The following CSMD1 variants were observed in gnomAD, a reference collection of about 807,000 sequenced individuals.
CSMD1 encodes the protein CUB and sushi domain-containing protein 1.
Under a neutral mutation model 417.5 loss-of-function variants are expected in CSMD1, and 213 were observed. That is an observed-to-expected ratio of 0.51 (90% CI 0.46 to 0.57). The LOEUF (loss-of-function observed/expected upper bound fraction) is 0.57, where lower values mean the gene tolerates loss of function less well. CSMD1 is among the 20% of genes least tolerant of loss of function. CSMD1 has a pLI of 0.00. For missense variants in CSMD1, 6,923 were observed against 4,529.7 expected (o/e 1.53, Z -15.17); for synonymous variants, 2,862 against 1,736.8 (o/e 1.65, Z -16.11).
chr8:4,107,506 A>G (rs7828949), intron 3 of CSMD1, among the ~76,000 whole-genome samples: 65,208 of 152,104 alleles, frequency 0.43, 14,442 homozygotes, highest in Middle Eastern at 0.54. Context: ...GAAGAATTCC[A>G]TGTCTACAGC....
rs144722272 is a variant in CSMD1 at position 4,184,437 on chromosome 8, A to C, written c.416-152338T>G. Among the ~76,000 whole-genome samples, 552 of 152,310 alleles carry C rather than the reference A, an allele frequency of 3.6e-3. 4 individuals are homozygous for C. Among genetic ancestry groups the C allele is most frequent in the African/African-American group, 0.012 (509 of 41,562 alleles). ...GGATGTTCCTTGCGGCACTATTCAC[A>C]ATATCAAAGGCATGAAATCAACCTC... On this transcript the variant is annotated intron_variant, in intron 3 of 69. Coordinates refer to ENST00000635120, the MANE Select transcript of CSMD1 (RefSeq NM_033225.6).
intron 49 of CSMD1, among the ~76,000 whole-genome samples, chr8:3,074,251 G>C (rs1460218578): frequency 1.3e-5 from 2 of 152,138 alleles, no homozygotes; most frequent in African/African-American, 4.8e-5. Context: ...TCTTTCTCAG[G>C]CCTTCAATCT....
chr8:4,043,350 G>C (rs1725067840), intron 3 of CSMD1, among the ~76,000 whole-genome samples: 1 of 151,994 alleles, frequency 6.6e-6, no homozygotes, highest in South Asian at 2.1e-4. Flanking sequence ...GAAATACAAA[G>C]CAAACTGCAA....
intron 3 of CSMD1, among the ~76,000 whole-genome samples, chr8:4,315,234 C>G (rs940090925): frequency 1.3e-5 from 2 of 152,164 alleles, no homozygotes; most frequent in Non-Finnish European, 2.9e-5. Context: ...GAAAGCCCAG[C>G]TCTGGCTTGA....
chr8:3,117,642 T>TCC (rs1816948150), intron 42 of CSMD1, among the ~76,000 whole-genome samples: 2 of 152,192 alleles, frequency 1.3e-5, no homozygotes, highest in African/African-American at 2.4e-5. Context: ...TTTAATTAGA[T>TCC]ATTGAAAAAA....
At chr8:4,972,852 A>G (rs899906923) in intron 1 of CSMD1, among the ~76,000 whole-genome samples, 1 of 152,168 alleles carries the variant, frequency 6.6e-6, no homozygotes, top group Non-Finnish European at 1.5e-5. Context: ...TCTGGAATGA[A>G]GTGAAACTGC....
At chr8:3,521,879 T>C (rs1563117896) in intron 10 of CSMD1, among the ~76,000 whole-genome samples, 2 of 152,214 alleles carry the variant, frequency 1.3e-5, no homozygotes, top group Non-Finnish European at 2.9e-5. Flanking sequence ...AACAGTTTGA[T>C]GCCAAATTTT....
chr8:3,182,296 G>C (rs186531619), intron 36 of CSMD1, among the ~76,000 whole-genome samples: 3 of 152,188 alleles, frequency 2.0e-5, no homozygotes, highest in South Asian at 4.1e-4. Context: ...ACCCAGGCTG[G>C]AGTGCAGTGG....
chr8:3,520,328 A>T (rs1585295065), intron 10 of CSMD1, among the ~76,000 whole-genome samples: 1 of 152,196 alleles, frequency 6.6e-6, no homozygotes, highest in Non-Finnish European at 1.5e-5. Flanking sequence ...GATATCAGTG[A>T]CATAAACTGC....
Position 3,396,186 on chromosome 8 carries a change from C to A in CSMD1, c.2593+8G>T, listed in dbSNP as rs758146833. 1 of 1,555,184 alleles carries A rather than the reference C, an allele frequency of 6.4e-7. No homozygotes were observed. The highest frequency in any genetic ancestry group is 1.2e-5 in the South Asian group (1 of 84,232). On this transcript the variant is annotated splice_region_variant and intron_variant, in intron 17 of 69. Transcript: ENST00000635120. ...CCTGCCGGGCTGTCAAGGGAAGGTG[C>A]AACTCACTCTCATAGTGGATGAGGA...
intron 26 of CSMD1, among the ~76,000 whole-genome samples, chr8:3,281,492 A>G (rs934175734): frequency 3.3e-5 from 5 of 152,132 alleles, no homozygotes; most frequent in Non-Finnish European, 5.9e-5. Context: ...TCAATAGAAT[A>G]TTATTCGCTG....
At chr8:3,514,905 T>A (rs1797224144) in intron 10 of CSMD1, among the ~76,000 whole-genome samples, 1 of 152,202 alleles carries the variant, frequency 6.6e-6, no homozygotes. Context: ...ATTGTTTATA[T>A]CTATATGCTA....
intron 33 of CSMD1, among the ~76,000 whole-genome samples, chr8:3,191,566 G>A (rs1796425893): frequency 6.6e-6 from 1 of 152,142 alleles, no homozygotes; most frequent in African/African-American, 2.4e-5. Flanking sequence ...AAAAACCCAG[G>A]GATATGGAAT....
intron 3 of CSMD1, among the ~76,000 whole-genome samples, chr8:4,226,199 T>G (rs1374204475): frequency 5.3e-5 from 8 of 152,080 alleles, no homozygotes; most frequent in Admixed American, 5.2e-4. Context: ...ATCATTTTAC[T>G]AACCACTCTT....
At chr8:4,331,866 A>G (rs1011947831) in intron 3 of CSMD1, among the ~76,000 whole-genome samples, 2 of 152,146 alleles carry the variant, frequency 1.3e-5, no homozygotes, top group Non-Finnish European at 2.9e-5. Flanking sequence ...GCTTAAAAAA[A>G]TACATAATAC....
chr8:3,721,809 A>AT (rs1292382799), intron 6 of CSMD1, among the ~76,000 whole-genome samples: 5 of 152,148 alleles, frequency 3.3e-5, no homozygotes, highest in South Asian at 2.1e-4. Flanking sequence ...ATCATAAGCC[A>AT]TTTTTTGAGA....
At chr8:4,682,839 A>G (rs1398967936) in intron 1 of CSMD1, among the ~76,000 whole-genome samples, 1 of 150,854 alleles carries the variant, frequency 6.6e-6, no homozygotes, top group Non-Finnish European at 1.5e-5. Flanking sequence ...ATACACTGAA[A>G]TGTTTTTATC....
At chr8:4,040,573 G>A (rs575488035) in intron 3 of CSMD1, among the ~76,000 whole-genome samples, 5 of 152,292 alleles carry the variant, frequency 3.3e-5, no homozygotes, top group Admixed American at 6.5e-5. Context: ...GTTCACAATG[G>A]AGGTTAGTTA....
Position 3,409,465 on chromosome 8 carries a change from G to C in CSMD1, c.1702C>G (p.Gln568Glu). 6.2e-7 allele frequency: 1 copy of C among 1,611,544 alleles called. No individual in the cohort carries two copies. The highest frequency in any genetic ancestry group is 8.5e-7 in the Non-Finnish European group (1 of 1,178,924). ...ELVGERVITCQQNNQWSGNKP... is the reference protein window; with the variant it reads ...ELVGERVITCEQNNQWSGNKP... Reference sequence around the variant, plus strand: ...TTGCCAGACCACTGATTGTTCTGCTGACAGGTGATAACTCTCTCCCCCACC... The same window carrying C: ...TTGCCAGACCACTGATTGTTCTGCTCACAGGTGATAACTCTCTCCCCCACC... Residue 568 changes from glutamine to glutamate, a missense_variant, in exon 13 of 70, where the codon CAG becomes GAG. Transcript: ENST00000635120.
Sources: gnomAD v4.1 joint callset for allele counts (sites outside exome capture counted in the v4.1 genomes callset) on GRCh38, gnomAD v4.1.1 for gene constraint, MANE v1.5 for transcripts, NCBI Gene and HGNC (gene_info 2026-07-23, HGNC 2026-07-21) for gene names.